The following CCDC77 variants were observed in gnomAD, a reference collection of about 807,000 sequenced individuals.
The protein encoded by CCDC77 is coiled-coil domain-containing protein 77.
In CCDC77, 56 loss-of-function variants were observed where a neutral mutation model predicts 66.8. The ratio of observed to expected loss-of-function variants is 0.84; its 90% confidence interval spans 0.68 to 1.05. The LOEUF (loss-of-function observed/expected upper bound fraction) is 1.05. CCDC77 is among the 50% of genes least tolerant of loss of function. CCDC77 has a pLI of 0.00. For missense variants in CCDC77, 570 were observed against 576.8 expected (o/e 0.99, Z 0.12); for synonymous variants, 196 against 195.2 (o/e 1.00, Z -0.03).
At chr12:414,496 C>T (rs1164350715) in intron 4 of CCDC77, among the ~76,000 whole-genome samples, 3 of 152,152 alleles carry the variant, frequency 2.0e-5, no homozygotes, top group African/African-American at 7.2e-5. Flanking sequence ...TTTCAGAGTT[C>T]TTCCAGATTC....
intron 4 of CCDC77, 86 bp downstream of exon 4, chr12:412,064 G>C (rs909351414): frequency 2.0e-6 from 2 of 975,778 alleles, no homozygotes; most frequent in Admixed American, 5.0e-5. Context: ...TATATCAGAA[G>C]CAGATGTTTT....
At chr12:412,051 G>C in intron 4 of CCDC77, 73 bp downstream of exon 4, 1 of 1,069,642 alleles carries the variant, frequency 9.3e-7, no homozygotes, top group African/African-American at 1.6e-5. Context: ...ACAAGTGCCA[G>C]TTTATATCAG....
chr12:401,643 T>C (rs915676718), upstream of CCDC77: 2 of 152,368 alleles, frequency 1.3e-5, no homozygotes, highest in Admixed American at 6.5e-5. Flanking sequence ...GTTTGACTTT[T>C]GTTTTTCAGT....
At chr12:427,961 G>A (rs1321253041) in intron 5 of CCDC77, among the ~76,000 whole-genome samples, 1 of 152,110 alleles carries the variant, frequency 6.6e-6, no homozygotes, top group Non-Finnish European at 1.5e-5. Context: ...TCTGAAGCTG[G>A]GATGGCTCTT....
At chr12:418,441 T>C in intron 4 of CCDC77, 53 bp from the exon 5 acceptor site, 1 of 1,560,780 alleles carries the variant, frequency 6.4e-7, no homozygotes, top group Non-Finnish European at 8.8e-7. Context: ...CAGTGAGAGA[T>C]ACTCCATTGA....
At chr12:410,903 T>C (rs1256794056) in intron 3 of CCDC77, among the ~76,000 whole-genome samples, 2 of 152,148 alleles carry the variant, frequency 1.3e-5, no homozygotes, top group African/African-American at 4.8e-5. Context: ...CTCCCTTAGT[T>C]TATATTCTGT....
chr12:408,356 G>A (rs1945039128), intron 2 of CCDC77, among the ~76,000 whole-genome samples: 1 of 152,174 alleles, frequency 6.6e-6, no homozygotes, highest in East Asian at 1.9e-4. Context: ...AAGATCTTGG[G>A]TTATCAATTG....
intron 4 of CCDC77, among the ~76,000 whole-genome samples, chr12:414,730 C>G (rs1945188634): frequency 6.6e-6 from 1 of 152,230 alleles, no homozygotes; most frequent in Non-Finnish European, 1.5e-5. Context: ...TACGGTTCTT[C>G]CAGTCCCCCT....
At chr12:394,284 GTTC>G (rs1414126021) in intron 1 of CCDC77, among the ~76,000 whole-genome samples, 2 of 152,296 alleles carry the variant, frequency 1.3e-5, no homozygotes, top group East Asian at 1.9e-4. Flanking sequence ...TGCGTTATGT[GTTC>G]TTCTTACTTC....
intron 1 of CCDC77, among the ~76,000 whole-genome samples, chr12:401,956 G>T (rs1235442410): frequency 6.6e-6 from 1 of 151,120 alleles, no homozygotes; most frequent in Non-Finnish European, 1.5e-5. Context: ...GGGCGCCCTG[G>T]AGATGCGTTC....
At chr12:414,180 C>T (rs987249004) in intron 4 of CCDC77, among the ~76,000 whole-genome samples, 18 of 151,120 alleles carry the variant, frequency 1.2e-4, no homozygotes, top group African/African-American at 4.4e-4. Context: ...CAACCCCTGT[C>T]TCCCGGGTTC....
intron 5 of CCDC77, among the ~76,000 whole-genome samples, chr12:422,847 C>T (rs1404176139): frequency 6.6e-6 from 1 of 152,178 alleles, no homozygotes; most frequent in Non-Finnish European, 1.5e-5. Context: ...CTTCCAAGCT[C>T]AAGTGATCTG....
Position 406,082 on chromosome 12 carries a change from T to G in CCDC77, c.-17+518T>G, listed in dbSNP as rs867375708. 3.9e-5 allele frequency among the ~76,000 whole-genome samples: 6 copies of G among 152,242 alleles called. No homozygotes were observed. The South Asian group carries it at 1.2e-3, about 32-fold the overall frequency. ...ACAGACATGTGCCACCACATCTGGC[T>G]AATTTTTTGTAGAGACAGGGTTTTG... On this transcript the variant is annotated intron_variant, in intron 2 of 12. Coordinates refer to ENST00000239830, the MANE Select transcript of CCDC77 (RefSeq NM_032358.4).
At chr12:393,406 C>T (rs527874457) in intron 1 of CCDC77, among the ~76,000 whole-genome samples, 159 of 152,160 alleles carry the variant, frequency 1.0e-3, no homozygotes, top group African/African-American at 3.5e-3. Flanking sequence ...AGCCACCATA[C>T]GTAGTGCAGA....
Position 425,228 on chromosome 12 carries a change from G to A in CCDC77, c.414-3541G>A, listed in dbSNP as rs79434986. On this transcript the variant is annotated intron_variant, in intron 5 of 12. Transcript: ENST00000239830. ...TGTCAAGCGTGAGCCACCGCACCCA[G>A]CCTCGCCACGTGGGTTTTTGGTGTC... Among the ~76,000 whole-genome samples, 1,432 of 149,540 alleles carry A rather than the reference G, an allele frequency of 9.6e-3. 19 individuals are homozygous for A. Among genetic ancestry groups the A allele is most frequent in the Non-Finnish European group, 0.014 (950 of 67,980 alleles).
At chr12:423,501 T>TTTTTTTTTTTTTG (rs1945471915) in intron 5 of CCDC77, among the ~76,000 whole-genome samples, 1 of 103,138 alleles carries the variant, frequency 9.7e-6, no homozygotes, top group Non-Finnish European at 1.9e-5. Flanking sequence ...TTTGTTTTTT[T>TTTTTTTTTTTTTG]TTTTTTTTTT....
intron 12 of CCDC77, 120 bp from the exon 13 acceptor site, chr12:441,654 A>G (rs1945859497): frequency 9.7e-7 from 1 of 1,028,828 alleles, no homozygotes. Context: ...GATGGAATTT[A>G]TCCTATGTAC....
chr12:410,532 T>G (rs181353498), intron 3 of CCDC77, among the ~76,000 whole-genome samples: 3 of 151,414 alleles, frequency 2.0e-5, no homozygotes, highest in East Asian at 3.9e-4. Context: ...CCTCCCAAAG[T>G]GGTGGGATTA....
At chr12:434,562 G>A (rs1444427205) in intron 9 of CCDC77, among the ~76,000 whole-genome samples, 2 of 152,030 alleles carry the variant, frequency 1.3e-5, no homozygotes, top group Non-Finnish European at 2.9e-5. Context: ...GTGTTAGCCA[G>A]GCTGATCTAG....
Sources: gnomAD v4.1 joint callset for allele counts (sites outside exome capture counted in the v4.1 genomes callset) on GRCh38, gnomAD v4.1.1 for gene constraint, MANE v1.5 for transcripts, NCBI Gene and HGNC (gene_info 2026-07-23, HGNC 2026-07-21) for gene names.